The following SYT16 variants were observed in gnomAD, a reference collection of about 807,000 sequenced individuals.
The protein encoded by SYT16 is synaptotagmin 16, also known as synaptotagmin-16.
In SYT16, 42 loss-of-function variants were observed where a neutral mutation model predicts 61.4. The observed-to-expected ratio is 0.68, with a 90% CI of 0.53 to 0.89. The LOEUF (loss-of-function observed/expected upper bound fraction) is 0.89, where lower values mean the gene tolerates loss of function less well. SYT16 is among the 40% of genes least tolerant of loss of function. The probability of loss-of-function intolerance (pLI) is 0.00; values close to 1 mark genes in which losing one functional copy is unlikely to be tolerated. For synonymous variants in SYT16, 314 were observed against 302.3 expected (o/e 1.04, Z -0.40); for missense variants, 804 against 807.3 (o/e 1.00, Z 0.05).
chr14:61,916,573 C>T (rs1484304111), intron 1 of SYT16, among the ~76,000 whole-genome samples: 2 of 152,094 alleles, frequency 1.3e-5, no homozygotes, highest in East Asian at 3.8e-4. Context: ...AAACATTTAT[C>T]ATTTCTTTGT....
chr14:61,943,819 G>T (rs1436735651), intron 1 of SYT16, among the ~76,000 whole-genome samples: 1 of 152,118 alleles, frequency 6.6e-6, no homozygotes, highest in Non-Finnish European at 1.5e-5. Flanking sequence ...TTGAAAACCG[G>T]CACAAGACAA....
chr14:62,075,619 A>G lies in SYT16; in HGVS notation c.993+228A>G, dbSNP rs865973980. On this transcript the variant is annotated intron_variant, in intron 5 of 7. Transcript: ENST00000683842. ...GGATGAACGGTAAAAAAAAAAAAAAAGAAAAAAAGAAAAAAAAATAAGAAT... is the reference window on the plus strand; with the variant it reads ...GGATGAACGGTAAAAAAAAAAAAAAGGAAAAAAAGAAAAAAAAATAAGAAT... Among the ~76,000 whole-genome samples, 315 of 120,852 alleles carry G rather than the reference A, an allele frequency of 2.6e-3. 1 individual carries two copies. Among genetic ancestry groups the G allele is most frequent in the South Asian group, 0.016 (60 of 3,850 alleles). The allele number at this position is 120,852 out of a possible 152,430, so 79.3% of individuals were successfully genotyped here.
intron 1 of SYT16, among the ~76,000 whole-genome samples, chr14:61,968,940 G>C (rs957681638): frequency 6.6e-6 from 1 of 152,134 alleles, no homozygotes; most frequent in African/African-American, 2.4e-5. Context: ...CTATTATCTT[G>C]CCTGCTATTT....
intron 1 of SYT16, among the ~76,000 whole-genome samples, chr14:61,871,278 T>G (rs2047323558): frequency 6.6e-6 from 1 of 152,168 alleles, no homozygotes; most frequent in Non-Finnish European, 1.5e-5. Flanking sequence ...GCTCTAGGGA[T>G]TTTTTGATTG....
chr14:61,870,726 C>G (rs1012426482), intron 1 of SYT16, among the ~76,000 whole-genome samples: 1 of 152,112 alleles, frequency 6.6e-6, no homozygotes, highest in African/African-American at 2.4e-5. Context: ...AATAACTAAT[C>G]TGTTAATCTC....
chr14:61,914,245 C>G (rs1311176569), intron 1 of SYT16, among the ~76,000 whole-genome samples: 1 of 152,112 alleles, frequency 6.6e-6, no homozygotes, highest in Non-Finnish European at 1.5e-5. Flanking sequence ...AGGCAAAACT[C>G]CAACTGGAAG....
intron 1 of SYT16, among the ~76,000 whole-genome samples, chr14:61,895,088 T>A (rs1412349855): frequency 2.6e-5 from 4 of 152,124 alleles, no homozygotes; most frequent in African/African-American, 9.7e-5. Flanking sequence ...AGAAACCTCA[T>A]TTTTGGAAGT....
chr14:61,995,080 T>TGTATACATTGTATGCAC (rs2052710227), intron 2 of SYT16, among the ~76,000 whole-genome samples: 1 of 152,168 alleles, frequency 6.6e-6, no homozygotes, highest in Non-Finnish European at 1.5e-5. Context: ...CATATGTGTA[T>TGTATACATTGTATGCAC]GTATACATTG....
intron 7 of SYT16, among the ~76,000 whole-genome samples, chr14:62,093,451 C>G (rs1454655409): frequency 6.6e-6 from 1 of 152,018 alleles, no homozygotes; most frequent in African/African-American, 2.4e-5. Flanking sequence ...TAAGGTCTCT[C>G]TCTTTTTCCC....
chr14:61,951,866 T>G lies in SYT16; in HGVS notation c.-324-18266T>G, dbSNP rs186680213. ...GGGCAGTGGTGTGATCACTGCTCAC[T>G]GCAGCCTCAACCTCCTAGGCTCAAG... On this transcript the variant is annotated intron_variant, in intron 1 of 7. Transcript: ENST00000683842. 2.0e-3 allele frequency among the ~76,000 whole-genome samples: 310 copies of G among 152,290 alleles called. 2 individuals are homozygous for G. Among genetic ancestry groups the G allele is most frequent in the African/African-American group, 6.9e-3 (287 of 41,550 alleles).
intron 1 of SYT16, among the ~76,000 whole-genome samples, chr14:61,911,377 C>G (rs1594894926): frequency 6.6e-6 from 1 of 152,276 alleles, no homozygotes; most frequent in South Asian, 2.1e-4. Flanking sequence ...AATAGTTTGG[C>G]CAATTTGGAG....
rs1340615558 is a variant in SYT16 at position 62,075,382 on chromosome 14, G to C, written c.984G>C (p.Trp328Cys). 11 of 1,603,666 alleles carry C rather than the reference G, an allele frequency of 6.9e-6. No individual in the cohort carries two copies. The highest frequency in any genetic ancestry group is 8.5e-6 in the Non-Finnish European group (10 of 1,171,820). ...ATGCCACTGACAGCTCCTCCATGTGGAGTCCAGAGGCAAGTTATTTGTTTT... is the reference window on the plus strand; with the variant it reads ...ATGCCACTGACAGCTCCTCCATGTGCAGTCCAGAGGCAAGTTATTTGTTTT... ...DSYATDSSSM[W>C]SPEEQDRTNL... Residue 328 changes from tryptophan (W) to cysteine (C), a missense_variant, in exon 5 of 8, where the codon TGG becomes TGC. Transcript: ENST00000683842.
At chr14:61,891,986 A>G (rs573955118) in intron 1 of SYT16, among the ~76,000 whole-genome samples, 1 of 152,228 alleles carries the variant, frequency 6.6e-6, no homozygotes, top group South Asian at 2.1e-4. Flanking sequence ...GAATTTATTG[A>G]CTCATCCAGG....
At position 62,101,349 on chromosome 14, in the gene SYT16, T is replaced by C. The variant is rs994988652; in HGVS notation, c.*642T>C. ...ATGAGATTTGGTTAGATGAATCATT[T>C]TGAAGCAAGAAAAGAGTTCAGAAAC... On this transcript the variant is annotated 3_prime_UTR_variant, in exon 8 of 8. Transcript: ENST00000683842. The C allele has an allele frequency of 6.6e-6, 1 of 152,200 alleles. No homozygotes were observed. The highest frequency in any genetic ancestry group is 1.5e-5 in the Non-Finnish European group (1 of 68,036). 9.4% of individuals were successfully genotyped at this position (152,200 alleles called of 1,614,324 possible). A position where few individuals can be genotyped will look rare whatever the true frequency, so the allele number is the denominator to read the frequency against.
chr14:61,874,767 GA>G (rs1016820871), intron 1 of SYT16, among the ~76,000 whole-genome samples: 2 of 143,056 alleles, frequency 1.4e-5, no homozygotes, highest in Non-Finnish European at 3.0e-5. Context: ...AATGCAGCAA[GA>G]TTTTTTTTTT....
At chr14:61,858,681 G>A (rs2046858997) in intron 1 of SYT16, among the ~76,000 whole-genome samples, 1 of 152,116 alleles carries the variant, frequency 6.6e-6, no homozygotes, top group African/African-American at 2.4e-5. Flanking sequence ...GATAGGAAAC[G>A]TGTCCTTCCA....
chr14:62,030,897 T>A (rs1452334664), intron 3 of SYT16, among the ~76,000 whole-genome samples: 2 of 152,200 alleles, frequency 1.3e-5, no homozygotes, highest in African/African-American at 2.4e-5. Context: ...ATCATTTGAT[T>A]TCAGGTTGAA....
chr14:62,104,500 A>G lies in SYT16; in HGVS notation c.*3793A>G, dbSNP rs908982382. ...AAATAAAAAGTCATACAGCACACCT[A>G]TGGAAGAATTAAAGAATACATAAAT... is the stretch of plus-strand genomic sequence containing the variant. On this transcript the variant is annotated 3_prime_UTR_variant, in exon 8 of 8. Transcript: ENST00000683842. 16 of 152,236 alleles carry G rather than the reference A, an allele frequency of 1.1e-4. No homozygotes were observed. The highest frequency in any genetic ancestry group is 3.1e-4 in the African/African-American group (13 of 41,470). The allele number at this position is 152,236 out of a possible 1,614,324, so 9.4% of individuals were successfully genotyped here.
At chr14:61,814,030 A>C (rs1039309541) in intron 1 of SYT16, among the ~76,000 whole-genome samples, 3 of 152,168 alleles carry the variant, frequency 2.0e-5, no homozygotes, top group African/African-American at 7.2e-5. Flanking sequence ...CAGTTTCTCT[A>C]AATTAGGACA....
Sources: gnomAD v4.1 joint callset for allele counts (sites outside exome capture counted in the v4.1 genomes callset) on GRCh38, gnomAD v4.1.1 for gene constraint, MANE v1.5 for transcripts, NCBI Gene and HGNC (gene_info 2026-07-23, HGNC 2026-07-21) for gene names.